The following GOLGA3 variants were observed in gnomAD, a reference collection of about 807,000 sequenced individuals.
GOLGA3 encodes golgin subfamily A member 3.
In GOLGA3, 75 loss-of-function variants were observed where a neutral mutation model predicts 169.4. The observed-to-expected ratio is 0.44, with a 90% CI of 0.37 to 0.54. GOLGA3 has a LOEUF of 0.54. Among genes scored for constraint, GOLGA3 ranks in the 20% least tolerant of loss-of-function variants. The probability of loss-of-function intolerance (pLI) is 0.00; values close to 1 mark genes in which losing one functional copy is unlikely to be tolerated. For synonymous variants in GOLGA3, 824 were observed against 822.4 expected, an observed-to-expected ratio of 1.00 and a Z score of -0.03; for missense variants, 1,899 against 1,930.0, an observed-to-expected ratio of 0.98 and a Z score of 0.30.
At chr12:132,826,190 T>C in intron 1 of GOLGA3, 1 of 1,568,988 alleles carries the variant, frequency 6.4e-7, no homozygotes, top group East Asian at 2.3e-5. Context: ...GTTCTGAGGC[T>C]GGACATCAGC....
intron 15 of GOLGA3, among the ~76,000 whole-genome samples, chr12:132,786,030 C>CGA: frequency 6.6e-6 from 1 of 152,222 alleles, no homozygotes; most frequent in Non-Finnish European, 1.5e-5. Flanking sequence ...GGAACGCGAG[C>CGA]GGACCAGGGC....
chr12:132,783,515 C>CG (rs1227824526), intron 16 of GOLGA3, among the ~76,000 whole-genome samples: 3 of 149,706 alleles, frequency 2.0e-5, no homozygotes, highest in African/African-American at 7.5e-5. Flanking sequence ...GAGTGGGGGG[C>CG]GCCGGGACAC....
intron 6 of GOLGA3, among the ~76,000 whole-genome samples, chr12:132,805,685 C>A (rs1465708434): frequency 1.3e-5 from 2 of 152,154 alleles, no homozygotes; most frequent in Non-Finnish European, 2.9e-5. Context: ...ACTTTCCAAA[C>A]AGGCCCAGGA....
chr12:132,805,355 G>A (rs1241261803), intron 6 of GOLGA3, among the ~76,000 whole-genome samples: 2 of 20,606 alleles, frequency 9.7e-5, no homozygotes, highest in African/African-American at 2.2e-4. Flanking sequence ...ACCCCCAGGC[G>A]CTCTCCCAAG....
Position 132,802,146 on chromosome 12 carries a change from G to T in GOLGA3, c.1598-177C>A, listed in dbSNP as rs111852789. ...CGTGAACACGGCATTAGTGGGCGCTGAGAGATGCCGCTCCTGGCAGAAATG... is the reference window on the plus strand; with the variant it reads ...CGTGAACACGGCATTAGTGGGCGCTTAGAGATGCCGCTCCTGGCAGAAATG... On this transcript the variant is annotated intron_variant, in intron 7 of 23. Transcript: ENST00000450791. 5.9e-5 allele frequency among the ~76,000 whole-genome samples: 9 copies of T among 152,406 alleles called. 1 individual carries two copies. The highest frequency in any genetic ancestry group is 2.2e-4 in the African/African-American group (9 of 41,604).
chr12:132,774,874 C>T, intron 22 of GOLGA3: 1 of 527,672 alleles, frequency 1.9e-6, no homozygotes, highest in East Asian at 3.2e-5. Flanking sequence ...ACTGCCGAGT[C>T]ACAGACCACC....
intron 4 of GOLGA3, among the ~76,000 whole-genome samples, chr12:132,810,623 C>T (rs1237204727): frequency 6.6e-6 from 1 of 152,210 alleles, no homozygotes; most frequent in Non-Finnish European, 1.5e-5. Flanking sequence ...AAGTGCGAGC[C>T]TTCTGTTATG....
intron 4 of GOLGA3, among the ~76,000 whole-genome samples, chr12:132,810,310 T>C (rs1318532925): frequency 6.6e-6 from 1 of 151,702 alleles, no homozygotes; most frequent in Non-Finnish European, 1.5e-5. Flanking sequence ...CCACCTTAAA[T>C]CCATAATTTC....
Position 132,804,677 on chromosome 12 carries a change from C to G in GOLGA3, c.1597+39G>C. The G allele has an allele frequency of 6.6e-7, 1 of 1,523,718 alleles. No individual in the cohort carries two copies. The allele number at this position is 1,523,718 out of a possible 1,614,324, so 94.4% of individuals were successfully genotyped here. A position where few individuals can be genotyped will look rare whatever the true frequency, so the allele number is the denominator to read the frequency against. ...GGAAGGAGGAGGGAGCAGCAGGGAC[C>G]AGTCAGGGAGGGGAGGGCGTGGCCA... On this transcript the variant is annotated intron_variant, in intron 7 of 23. Coordinates refer to ENST00000450791, the MANE Select transcript of GOLGA3 (RefSeq NM_001389683.1). This position sits in a 1 kb window ranked among gnomAD's most constrained non-coding sequence, Gnocchi z 4.1.
At chr12:132,794,848 G>C (rs908914633) in intron 11 of GOLGA3, among the ~76,000 whole-genome samples, 7 of 152,176 alleles carry the variant, frequency 4.6e-5, no homozygotes, top group African/African-American at 1.7e-4. Flanking sequence ...CCTTCAGAAA[G>C]GAGGGAAAAC....
intron 4 of GOLGA3, among the ~76,000 whole-genome samples, chr12:132,811,999 T>A (rs1386629660): frequency 1.9e-5 from 1 of 53,978 alleles, no homozygotes; most frequent in Non-Finnish European, 2.9e-5. Flanking sequence ...AGACTCCGTC[T>A]CTCAAAAAAA....
intron 17 of GOLGA3, 21 bp downstream of exon 17, chr12:132,782,275 G>A: frequency 6.3e-7 from 1 of 1,595,410 alleles, no homozygotes; most frequent in Non-Finnish European, 8.6e-7. Context: ...TTGCTGGCGT[G>A]AGTTTGACGA....
chr12:132,823,266 A>G (rs138940100), intron 1 of GOLGA3, among the ~76,000 whole-genome samples: 32 of 152,366 alleles, frequency 2.1e-4, no homozygotes, highest in Non-Finnish European at 3.4e-4. Flanking sequence ...TTGGCAAGTG[A>G]TTATCCACCC....
chr12:132,784,977 T>C (rs2045823888), intron 15 of GOLGA3, among the ~76,000 whole-genome samples: 2 of 152,234 alleles, frequency 1.3e-5, no homozygotes, highest in African/African-American at 4.8e-5. Context: ...GCCTCGATGG[T>C]ACCAGGCCCT....
chr12:132,779,167 G>A lies in GOLGA3; in HGVS notation c.3583-1362C>T, dbSNP rs533807418. On this transcript the variant is annotated intron_variant, in intron 18 of 23. Coordinates refer to ENST00000450791, the MANE Select transcript of GOLGA3 (RefSeq NM_001389683.1). ...GTGATCTTGGCTCACCACAACCTCC[G>A]CCTCCTGGTTCAAGCGATTCTCCTG... 2.3e-4 allele frequency among the ~76,000 whole-genome samples: 35 copies of A among 152,052 alleles called. No individual in the cohort carries two copies. The South Asian group carries it at 2.7e-3, about 12-fold the overall frequency.
chr12:132,809,391 TCTC>T (rs1313241121), intron 4 of GOLGA3, among the ~76,000 whole-genome samples: 1 of 152,014 alleles, frequency 6.6e-6, no homozygotes, highest in Non-Finnish European at 1.5e-5. Context: ...AGCAGAGTCT[TCTC>T]TAAACTCCCC....
At chr12:132,803,379 G>T (rs1367760667) in intron 7 of GOLGA3, among the ~76,000 whole-genome samples, 2 of 152,210 alleles carry the variant, frequency 1.3e-5, no homozygotes, top group East Asian at 3.8e-4. Flanking sequence ...CCGAGGCTCT[G>T]TCTTCGACCC....
intron 4 of GOLGA3, among the ~76,000 whole-genome samples, chr12:132,812,227 A>ATT (rs1254497409): frequency 1.0e-3 from 109 of 109,008 alleles, no homozygotes; most frequent in Non-Finnish European, 1.7e-3. Context: ...ATATATATAT[A>ATT]TATTTTTTTT....
intron 15 of GOLGA3, among the ~76,000 whole-genome samples, chr12:132,785,110 G>C (rs897021201): frequency 1.3e-5 from 2 of 152,354 alleles, no homozygotes; most frequent in South Asian, 2.1e-4. Flanking sequence ...GTCACCACTT[G>C]CGAGGGGTGA....
Sources: allele counts gnomAD v4.1 joint callset (sites outside exome capture counted in the v4.1 genomes callset), GRCh38; gene constraint gnomAD v4.1.1; non-coding constraint Gnocchi (gnomAD v3.1); transcripts MANE v1.5; gene names NCBI Gene and HGNC (gene_info 2026-07-23, HGNC 2026-07-21).